The following CNBD1 variants were observed in gnomAD, a reference collection of about 807,000 sequenced individuals.
CNBD1 encodes the protein cyclic nucleotide-binding domain-containing protein 1.
Under a neutral mutation model 54.4 loss-of-function variants are expected in CNBD1, and 71 were observed. The observed-to-expected ratio is 1.30, with a 90% CI of 1.08 to 1.59. CNBD1 has a LOEUF of 1.59. Among genes scored for constraint, CNBD1 ranks in the 40% most tolerant of loss-of-function variants. The pLI is 0.00. For missense variants in CNBD1, 659 were observed against 518.0 expected (o/e 1.27, Z -2.64); for synonymous variants, 182 against 170.7 (o/e 1.07, Z -0.51).
At chr8:87,223,856 C>G (rs1443915789) in intron 5 of CNBD1, among the ~76,000 whole-genome samples, 1 of 152,062 alleles carries the variant, frequency 6.6e-6, no homozygotes, top group Non-Finnish European at 1.5e-5. Flanking sequence ...ACAGTCCCAC[C>G]AACAGTGTAA....
intron 8 of CNBD1, among the ~76,000 whole-genome samples, chr8:87,342,082 G>T (rs1586030132): frequency 6.6e-6 from 1 of 152,162 alleles, no homozygotes; most frequent in Non-Finnish European, 1.5e-5. Context: ...GACCATCCTG[G>T]CTAACACGGC....
At position 87,353,779 on chromosome 8, in the gene CNBD1, C is replaced by T. The variant is rs191610015; in HGVS notation, c.1296C>T (p.Asp432=). The change falls in exon 10 of 11, where the codon GAC becomes GAT. Residue 432 remains aspartate, a synonymous_variant. Coordinates refer to ENST00000518476, the MANE Select transcript of CNBD1 (RefSeq NM_173538.3). ...AGATGGCAATCATTGAAGATAAGGA[C>T]CTATTTGGTAAATGCATAAATATCT... ...EVEMAIIEDK[D]LFVA The T allele has an allele frequency of 5.6e-6, 9 of 1,599,386 alleles. No homozygotes were observed. Among genetic ancestry groups the T allele is most frequent in the Non-Finnish European group, 7.7e-6 (9 of 1,174,716 alleles).
At chr8:87,074,250 G>C (rs569181415) in intron 4 of CNBD1, among the ~76,000 whole-genome samples, 8 of 152,094 alleles carry the variant, frequency 5.3e-5, no homozygotes, top group African/African-American at 1.9e-4. Flanking sequence ...AAACCACAGA[G>C]ATGGTGGCCA....
chr8:87,362,845 T>G (rs1036385414), intron 10 of CNBD1, among the ~76,000 whole-genome samples: 1 of 152,046 alleles, frequency 6.6e-6, no homozygotes, highest in African/African-American at 2.4e-5. Context: ...GGATCAATCT[T>G]ATGGAGTTCA....
chr8:87,081,014 A>T (rs1810979558), intron 4 of CNBD1, among the ~76,000 whole-genome samples: 1 of 149,950 alleles, frequency 6.7e-6, no homozygotes, highest in East Asian at 1.9e-4. Context: ...TTCTCTTTTC[A>T]ATTACATTTA....
chr8:87,033,688 A>G (rs1253841343), intron 4 of CNBD1, among the ~76,000 whole-genome samples: 2 of 152,156 alleles, frequency 1.3e-5, no homozygotes, highest in African/African-American at 2.4e-5. Flanking sequence ...TTCTTCCAGC[A>G]TAGGGCACTT....
intron 6 of CNBD1, among the ~76,000 whole-genome samples, chr8:87,274,527 G>A (rs1248424881): frequency 2.0e-5 from 3 of 148,788 alleles, no homozygotes; most frequent in Non-Finnish European, 3.0e-5. Flanking sequence ...GCCAGTGATG[G>A]TGAGCATTTT....
intron 3 of CNBD1, among the ~76,000 whole-genome samples, chr8:86,909,583 T>A (rs937702604): frequency 5.3e-5 from 8 of 152,214 alleles, no homozygotes; most frequent in Middle Eastern, 3.2e-3. Context: ...ACGTGCAGGT[T>A]TGTTACATAT....
chr8:87,213,972 A>C (rs1233189113), intron 5 of CNBD1, among the ~76,000 whole-genome samples: 1 of 152,184 alleles, frequency 6.6e-6, no homozygotes, highest in East Asian at 1.9e-4. Flanking sequence ...GGCCCCATGC[A>C]AGTCCAAAAT....
intron 3 of CNBD1, among the ~76,000 whole-genome samples, chr8:86,927,551 C>G (rs1407327082): frequency 2.6e-5 from 4 of 151,992 alleles, no homozygotes; most frequent in African/African-American, 9.7e-5. Flanking sequence ...GCCCCAGGGG[C>G]AGGCCTGGTA....
At chr8:87,399,684 C>T (rs112254426) in intron 2 of CNBD1, among the ~76,000 whole-genome samples, 29 of 152,056 alleles carry the variant, frequency 1.9e-4, no homozygotes, top group African/African-American at 5.5e-4. Flanking sequence ...AGAACAGGAT[C>T]CTAAGGCATC....
intron 2 of CNBD1, among the ~76,000 whole-genome samples, chr8:87,413,589 G>A (rs1362474688): frequency 6.6e-6 from 1 of 151,764 alleles, no homozygotes. Flanking sequence ...CTATCTTAAG[G>A]CATCTACAGT....
chr8:87,253,262 C>T (rs1057242759), intron 6 of CNBD1, among the ~76,000 whole-genome samples: 2 of 152,088 alleles, frequency 1.3e-5, no homozygotes, highest in South Asian at 4.1e-4. Context: ...GGCTCTTCTG[C>T]CTTCTGGCTT....
chr8:87,316,745 A>G (rs1260611135), intron 8 of CNBD1, among the ~76,000 whole-genome samples: 1 of 151,928 alleles, frequency 6.6e-6, no homozygotes, highest in Non-Finnish European at 1.5e-5. Context: ...CAGACGTATA[A>G]GGATTTCCAA....
intron 4 of CNBD1, among the ~76,000 whole-genome samples, chr8:87,101,647 A>G (rs549284750): frequency 6.6e-6 from 1 of 152,240 alleles, no homozygotes; most frequent in African/African-American, 2.4e-5. Context: ...CATTTATCAT[A>G]TTAACATTTA....
intron 4 of CNBD1, among the ~76,000 whole-genome samples, chr8:87,092,543 G>GTATA (rs761852236): frequency 7.7e-5 from 8 of 103,370 alleles, no homozygotes; most frequent in African/African-American, 3.1e-4. Flanking sequence ...GTATGTGTGT[G>GTATA]TATATATATA....
chr8:87,382,587 G>T (rs1811102300), intron 10 of CNBD1, 33 bp from the exon 11 acceptor site: 6 of 1,520,836 alleles, frequency 3.9e-6, no homozygotes, highest in East Asian at 4.9e-5. Context: ...TATTTATTAT[G>T]TAACTTCTTG....
At chr8:86,944,260 C>G (rs1344111037) in intron 4 of CNBD1, among the ~76,000 whole-genome samples, 4 of 152,100 alleles carry the variant, frequency 2.6e-5, no homozygotes, top group Non-Finnish European at 1.5e-5. Context: ...ATTAATGAAT[C>G]CAACATACAC....
At chr8:87,230,570 G>A (rs141402120) in intron 5 of CNBD1, among the ~76,000 whole-genome samples, 1,790 of 152,178 alleles carry the variant, frequency 0.012, 29 homozygotes, top group Non-Finnish European at 0.018. Flanking sequence ...TGTAACTTTT[G>A]ACAAGTTATT....
Sources: gnomAD v4.1 joint callset for allele counts (sites outside exome capture counted in the v4.1 genomes callset) on GRCh38, gnomAD v4.1.1 for gene constraint, MANE v1.5 for transcripts, NCBI Gene and HGNC (gene_info 2026-07-23, HGNC 2026-07-21) for gene names.